AZIN2: variants seen among roughly 807,000 people sequenced by gnomAD.
AZIN2 encodes antizyme inhibitor 2.
A neutral mutation model predicts 47.8 loss-of-function variants in AZIN2; 28 were observed. The ratio of observed to expected loss-of-function variants is 0.59; its 90% CI spans 0.43 to 0.80. The LOEUF is 0.80. AZIN2 is among the 30% of genes least tolerant of loss of function. AZIN2 has a pLI of 0.00. For synonymous variants in AZIN2, 221 were observed against 239.4 expected (o/e 0.92, Z 0.71); for missense variants, 535 against 582.5 (o/e 0.92, Z 0.84).
At chr1:33,144,739 ATCAG>A in the AZIN2 span, among the ~76,000 whole-genome samples, 1 of 152,048 alleles carries the variant, frequency 6.6e-6, no homozygotes, top group Non-Finnish European at 1.5e-5. Context: ...ATGCTTCCTC[ATCAG>A]TCAGAGGTGG....
chr1:33,152,479 A>G, the AZIN2 span, among the ~76,000 whole-genome samples: 2 of 151,886 alleles, frequency 1.3e-5, no homozygotes, highest in African/African-American at 4.8e-5. Flanking sequence ...AGGCAGGAGA[A>G]TCGCTTGAAT....
chr1:33,118,227 T>C, intron 11 of AZIN2, 111 bp downstream of exon 11: 1 of 1,230,844 alleles, frequency 8.1e-7, no homozygotes. Context: ...CAAGTAGCTG[T>C]TGGCTGCTGG....
chr1:33,130,844 A>C, the AZIN2 span, among the ~76,000 whole-genome samples: 1 of 152,238 alleles, frequency 6.6e-6, no homozygotes, highest in Non-Finnish European at 1.5e-5. Flanking sequence ...TGAATTGTGC[A>C]GTGGCTGTGC....
chr1:33,122,227 T>C lies in AZIN2; in HGVS notation c.*2045T>C, dbSNP rs1185175584. ...GCGCAGGAATCCTGGGAAGATCTCA[T>C]GGCTGGCTACAGTGAGACCCAGGTG... On this transcript the variant is annotated 3_prime_UTR_variant, in exon 12 of 12. Coordinates refer to ENST00000294517, the MANE Select transcript of AZIN2 (RefSeq NM_052998.4). Among the ~76,000 whole-genome samples, 5 of 152,200 alleles carry C rather than the reference T, an allele frequency of 3.3e-5. No individual in the cohort carries two copies. Among genetic ancestry groups the C allele is most frequent in the African/African-American group, 1.2e-4 (5 of 41,460 alleles).
At chr1:33,157,480 C>T in the AZIN2 span, among the ~76,000 whole-genome samples, 5 of 152,164 alleles carry the variant, frequency 3.3e-5, no homozygotes, top group Non-Finnish European at 5.9e-5. Flanking sequence ...CTCACCTTTC[C>T]CAGCCCCCTT....
At chr1:33,099,219 A>T (rs908147831) in intron 10 of AZIN2, among the ~76,000 whole-genome samples, 6 of 151,770 alleles carry the variant, frequency 4.0e-5, no homozygotes, top group Non-Finnish European at 8.8e-5. Context: ...TTGAAAATCA[A>T]CTCCACTTTG....
At chr1:33,146,056 A>G in the AZIN2 span, 1 of 364,138 alleles carries the variant, frequency 2.7e-6, no homozygotes, top group Admixed American at 3.7e-5. Flanking sequence ...GCTTTCTGGC[A>G]TAGTGGCTTC....
At position 33,118,027 on chromosome 1, in the gene AZIN2, C is replaced by A. The variant is rs779321284; in HGVS notation, c.1155C>A (p.Asp385Glu). 1 of 1,579,806 alleles carries A rather than the reference C, an allele frequency of 6.3e-7. No individual in the cohort carries two copies. Among genetic ancestry groups the A allele is most frequent in the Non-Finnish European group, 8.6e-7 (1 of 1,164,296 alleles). ...ACGTAGGGGACTGGCTGGTCTTTGA[C>A]AACATGGGCGCCTACACTGTGGGCA... ...QLHVGDWLVF[D>E]NMGAYTVGMG... The change falls in exon 11 of 12, where the codon GAC becomes GAA. Residue 385 changes from aspartate (D) to glutamate (E), a missense_variant. By Grantham distance (45) the Asp-to-Glu change is conservative. Coordinates refer to ENST00000294517, the MANE Select transcript of AZIN2 (RefSeq NM_052998.4).
the AZIN2 span, chr1:33,146,063 C>T: frequency 2.8e-6 from 1 of 358,366 alleles, no homozygotes; most frequent in African/African-American, 2.2e-5. Context: ...GGCATAGTGG[C>T]TTCCTGCAGA....
chr1:33,090,691 C>A (rs139665934), intron 5 of AZIN2, among the ~76,000 whole-genome samples: 1 of 152,228 alleles, frequency 6.6e-6, no homozygotes, highest in Non-Finnish European at 1.5e-5. Context: ...ACATACTTAC[C>A]TTTTTTTGTG....
At chr1:33,088,048 C>G (rs994209211) in intron 5 of AZIN2, among the ~76,000 whole-genome samples, 9 of 152,224 alleles carry the variant, frequency 5.9e-5, no homozygotes, top group African/African-American at 2.2e-4. Flanking sequence ...TAGCATTCTT[C>G]TGAATTCCTA....
Position 33,119,956 on chromosome 1 carries a change from G to C in AZIN2, c.1245-88G>C. 1.9e-6 allele frequency: 3 copies of C among 1,570,818 alleles called. No individual in the cohort carries two copies. The East Asian group carries it at 6.9e-5, about 36-fold the overall frequency. On this transcript the variant is annotated intron_variant, in intron 11 of 11. Transcript: ENST00000294517. Reference sequence around the variant, plus strand: ...CAGCTGAGCTCGGGCTCACGTGAGAGCCCTCTGCCCAATGGGGCTGCGTCT... The same window carrying C: ...CAGCTGAGCTCGGGCTCACGTGAGACCCCTCTGCCCAATGGGGCTGCGTCT...
chr1:33,090,723 T>G (rs1031814281), intron 5 of AZIN2, among the ~76,000 whole-genome samples: 8 of 152,172 alleles, frequency 5.3e-5, no homozygotes, highest in African/African-American at 1.9e-4. Flanking sequence ...TAAGGTCTAT[T>G]CTTTAGCAAT....
At chr1:33,107,760 G>A (rs903273171) in intron 10 of AZIN2, among the ~76,000 whole-genome samples, 3 of 151,992 alleles carry the variant, frequency 2.0e-5, no homozygotes, top group African/African-American at 7.3e-5. Context: ...AAATTACTTA[G>A]GAAATTTAAG....
chr1:33,151,263 G>T, the AZIN2 span, among the ~76,000 whole-genome samples: 1 of 152,100 alleles, frequency 6.6e-6, no homozygotes, highest in African/African-American at 2.4e-5. Flanking sequence ...GACAGGATGG[G>T]TACAGGGCCT....
rs1297221462 is a variant in AZIN2 at position 33,121,757 on chromosome 1, GA to G, written c.*1576del. ...CATCTCTATGGATTTGCTTATTCTG[GA>G]CATTGTATTGTGATGGATTTTCTAT... On this transcript the variant is annotated 3_prime_UTR_variant, in exon 12 of 12. Transcript: ENST00000294517. 6.6e-6 allele frequency among the ~76,000 whole-genome samples: 1 copy of G among 152,116 alleles called. No individual in the cohort carries two copies. Among genetic ancestry groups the G allele is most frequent in the Non-Finnish European group, 1.5e-5 (1 of 68,030 alleles).
At chr1:33,133,292 C>T in the AZIN2 span, among the ~76,000 whole-genome samples, 1,003 of 152,346 alleles carry the variant, frequency 6.6e-3, 12 homozygotes, top group African/African-American at 0.023. Flanking sequence ...TTGTCCCTGT[C>T]GCCTCAAGAG....
At chr1:33,125,733 C>CCCCTT (rs1644851828), downstream of AZIN2, among the ~76,000 whole-genome samples, 1 of 151,896 alleles carries the variant, frequency 6.6e-6, no homozygotes, top group African/African-American at 2.4e-5. Context: ...TCATCACACG[C>CCCCTT]CCTTTCCTTT....
chr1:33,141,721 A>C, the AZIN2 span: 4 of 160,034 alleles, frequency 2.5e-5, no homozygotes. Context: ...GAACTGTTGA[A>C]ATTTTTAAAG....
Sources: allele counts gnomAD v4.1 joint callset (sites outside exome capture counted in the v4.1 genomes callset), GRCh38; gene constraint gnomAD v4.1.1; transcripts MANE v1.5; gene names NCBI Gene and HGNC (gene_info 2026-07-23, HGNC 2026-07-21).